The following VIPR2 variants were observed in gnomAD, a reference collection of about 807,000 sequenced individuals.
VIPR2 encodes vasoactive intestinal polypeptide receptor 2.
A neutral mutation model predicts 58.0 loss-of-function variants in VIPR2; 48 were observed. That is an observed-to-expected ratio of 0.83 (90% CI 0.66 to 1.05). The LOEUF is 1.05. Among genes scored for constraint, VIPR2 ranks in the 50% least tolerant of loss-of-function variants. VIPR2 has a pLI of 0.00. For synonymous variants in VIPR2, 243 were observed against 235.2 expected (o/e 1.03, Z -0.30); for missense variants, 534 against 558.0 (o/e 0.96, Z 0.43).
At chr7:159,035,822 G>A in intron 8 of VIPR2, 130 bp downstream of exon 8, 2 of 1,443,968 alleles carry the variant, frequency 1.4e-6, no homozygotes, top group Non-Finnish European at 1.8e-6. Flanking sequence ...GATGCTTCCT[G>A]CGTGGCTGTC....
intron 5 of VIPR2, among the ~76,000 whole-genome samples, chr7:159,046,707 T>C (rs1009883196): frequency 1.2e-4 from 19 of 152,104 alleles, no homozygotes; most frequent in African/African-American, 4.6e-4. Flanking sequence ...TACCACAAAT[T>C]TTGGAAATCC....
chr7:159,096,229 G>A lies in VIPR2; in HGVS notation c.357+7528C>T, dbSNP rs567867838. On this transcript the variant is annotated intron_variant, in intron 4 of 12. Transcript: ENST00000262178. The surrounding 1 kb of genome is among the most constrained non-coding windows in gnomAD (Gnocchi z 5.5). Reference sequence around the variant, plus strand: ...GGCCTCCTATCCATCGAGGCCCGGAGAGTTTCAACCCCTGCCTGGGGCCAC... The same window carrying A: ...GGCCTCCTATCCATCGAGGCCCGGAAAGTTTCAACCCCTGCCTGGGGCCAC... Among the ~76,000 whole-genome samples the A allele has an allele frequency of 6.6e-6, 1 of 152,356 alleles. No individual in the cohort carries two copies. The highest frequency in any genetic ancestry group is 1.5e-5 in the Non-Finnish European group (1 of 68,026).
chr7:159,098,329 C>T lies in VIPR2; in HGVS notation c.357+5428G>A, dbSNP rs926225707. ...GTGGCTTACAGTGCGGGTGGGCAAG[C>T]GGAGAGGAGCAGCTGTGGAGGGCAA... On this transcript the variant is annotated intron_variant, in intron 4 of 12. Transcript: ENST00000262178. This position sits in a 1 kb window ranked among gnomAD's most constrained non-coding sequence, Gnocchi z 5.2. Among the ~76,000 whole-genome samples the T allele has an allele frequency of 6.6e-5, 10 of 152,204 alleles. No homozygotes were observed. The highest frequency in any genetic ancestry group is 1.3e-4 in the Admixed American group (2 of 15,290).
intron 1 of VIPR2, 194 bp downstream of exon 1, chr7:159,144,527 G>GC: frequency 6.6e-7 from 1 of 1,520,664 alleles, no homozygotes; most frequent in Non-Finnish European, 8.9e-7. Flanking sequence ...CCGCAACCCG[G>GC]CGGGACCGGA....
rs550857651 is a variant in VIPR2 at position 159,031,155 on chromosome 7, G to C, written c.1144-366C>G. 6.6e-6 allele frequency among the ~76,000 whole-genome samples: 1 copy of C among 152,312 alleles called. No individual in the cohort carries two copies. The highest frequency in any genetic ancestry group is 2.1e-4 in the South Asian group (1 of 4,824). On this transcript the variant is annotated intron_variant, in intron 12 of 12. Transcript: ENST00000262178. The surrounding 1 kb of genome is among the most constrained non-coding windows in gnomAD (Gnocchi z 4.0). Reference sequence around the variant, plus strand: ...CTCCGTCTCCTTCCCTGTTCCCAGCGGGCAGGGAATGTTAGCCCTGGGAGG... The same window carrying C: ...CTCCGTCTCCTTCCCTGTTCCCAGCCGGCAGGGAATGTTAGCCCTGGGAGG...
chr7:159,034,653 G>A lies in VIPR2; in HGVS notation c.810-3C>T, dbSNP rs770363078. On this transcript the variant is annotated splice_polypyrimidine_tract_variant and splice_region_variant and intron_variant, in intron 8 of 12. Coordinates refer to ENST00000262178, the MANE Select transcript of VIPR2 (RefSeq NM_003382.5). Reference sequence around the variant, plus strand: ...TGTGGTCGTTTGTATCCCAGCAACTGTCAGAGAGAGATGGGAAATCAGGTT... The same window carrying A: ...TGTGGTCGTTTGTATCCCAGCAACTATCAGAGAGAGATGGGAAATCAGGTT... The A allele has an allele frequency of 3.7e-6, 6 of 1,613,410 alleles. No individual in the cohort carries two copies. Among genetic ancestry groups the A allele is most frequent in the Non-Finnish European group, 5.1e-6 (6 of 1,179,466 alleles).
At chr7:159,136,363 A>G (rs968448168) in intron 2 of VIPR2, among the ~76,000 whole-genome samples, 1 of 152,206 alleles carries the variant, frequency 6.6e-6, no homozygotes, top group African/African-American at 2.4e-5. Context: ...CACCTCTTCA[A>G]GGCCCGTCTC....
At chr7:159,055,402 G>A (rs936151453) in intron 5 of VIPR2, among the ~76,000 whole-genome samples, 1 of 152,090 alleles carries the variant, frequency 6.6e-6, no homozygotes, top group Non-Finnish European at 1.5e-5. Flanking sequence ...CATGCATTCT[G>A]AACATATACT....
chr7:159,101,766 G>A (rs1341360461), intron 4 of VIPR2, among the ~76,000 whole-genome samples: 1 of 140,014 alleles, frequency 7.1e-6, no homozygotes, highest in Non-Finnish European at 1.5e-5. Flanking sequence ...GGTTCCGACT[G>A]TTCCTGTGAC....
intron 2 of VIPR2, among the ~76,000 whole-genome samples, chr7:159,133,732 C>T (rs1585565006): frequency 6.6e-6 from 1 of 152,102 alleles, no homozygotes; most frequent in African/African-American, 2.4e-5. Flanking sequence ...TTAGAGATAA[C>T]ATATAAACGA....
intron 4 of VIPR2, among the ~76,000 whole-genome samples, chr7:159,066,752 G>T (rs1325268885): frequency 6.6e-6 from 1 of 152,234 alleles, no homozygotes; most frequent in African/African-American, 2.4e-5. Flanking sequence ...AAGCCTCAGT[G>T]GTGGGCTAAC....
intron 5 of VIPR2, among the ~76,000 whole-genome samples, chr7:159,055,776 G>A (rs1351515647): frequency 1.3e-5 from 2 of 152,134 alleles, no homozygotes; most frequent in East Asian, 1.9e-4. Context: ...GCATGCTTTT[G>A]GTCCAGTTAG....
rs1222231399 is a variant in VIPR2 at position 159,099,608 on chromosome 7, CG to C, written c.357+4148del. ...GAATGAACGACGGAGCCTGCACATA[CG>C]GGGCTCTGGGTGACGCTGCTGGGGG... On this transcript the variant is annotated intron_variant, in intron 4 of 12. Transcript: ENST00000262178. This position sits in a 1 kb window ranked among gnomAD's most constrained non-coding sequence, Gnocchi z 4.2. Among the ~76,000 whole-genome samples the C allele has an allele frequency of 1.2e-4, 19 of 152,296 alleles. No homozygotes were observed. Among genetic ancestry groups the C allele is most frequent in the African/African-American group, 4.6e-4 (19 of 41,564 alleles).
chr7:159,144,496 G>A (rs1797611208), intron 1 of VIPR2: 1 of 1,538,150 alleles, frequency 6.5e-7, no homozygotes, highest in African/African-American at 1.4e-5. Flanking sequence ...GAAGGGCGCA[G>A]GCAGCCTCCC....
chr7:159,062,198 C>G (rs1293168268), intron 4 of VIPR2, among the ~76,000 whole-genome samples: 1 of 152,138 alleles, frequency 6.6e-6, no homozygotes, highest in Non-Finnish European at 1.5e-5. Context: ...AAGGACACCC[C>G]GAAGGGTTCA....
chr7:159,111,940 G>A (rs1027464124), intron 2 of VIPR2, among the ~76,000 whole-genome samples: 1 of 152,156 alleles, frequency 6.6e-6, no homozygotes, highest in Non-Finnish European at 1.5e-5. Flanking sequence ...GAGCCTGGGA[G>A]GTCGAGGTTG....
At chr7:159,144,699 C>T in intron 1 of VIPR2, 22 bp downstream of exon 1, 2 of 1,327,074 alleles carry the variant, frequency 1.5e-6, no homozygotes, top group Non-Finnish European at 1.9e-6. Flanking sequence ...CGCCGTGGGG[C>T]GGGGGTCGCG....
At chr7:159,132,391 C>T (rs1301493163) in intron 2 of VIPR2, among the ~76,000 whole-genome samples, 1 of 139,122 alleles carries the variant, frequency 7.2e-6, no homozygotes, top group South Asian at 2.4e-4. Context: ...CTGGGTCTGA[C>T]AGGGACTGCA....
chr7:159,076,446 TA>T (rs1235198689), intron 4 of VIPR2, among the ~76,000 whole-genome samples: 1 of 152,164 alleles, frequency 6.6e-6, no homozygotes, highest in Non-Finnish European at 1.5e-5. Flanking sequence ...AAATCTTTAG[TA>T]AAAAAGTCTT....
Sources: gnomAD v4.1 joint callset for allele counts (sites outside exome capture counted in the v4.1 genomes callset) on GRCh38, gnomAD v4.1.1 for gene constraint, Gnocchi (gnomAD v3.1) non-coding constraint, MANE v1.5 for transcripts, NCBI Gene and HGNC (gene_info 2026-07-23, HGNC 2026-07-21) for gene names.